The following CASK variants were observed in gnomAD, a reference collection of about 807,000 sequenced individuals.
The protein encoded by CASK is peripheral plasma membrane protein CASK.
Under a neutral mutation model 82.9 loss-of-function variants are expected in CASK, and 4 were observed. The ratio of observed to expected loss-of-function variants is 0.05; its 90% confidence interval spans 0.02 to 0.11. The LOEUF is 0.11. Ranked by LOEUF, CASK falls within the 10% of genes least tolerant of loss-of-function variation. The probability of loss-of-function intolerance (pLI) is 1.00; values close to 1 mark genes in which losing one functional copy is unlikely to be tolerated. For missense variants in CASK, 358 were observed against 720.9 expected, an observed-to-expected ratio of 0.50 and a Z score of 5.76; for synonymous variants, 259 against 253.5, an observed-to-expected ratio of 1.02 and a Z score of -0.20.
intron 1 of CASK, among the ~76,000 whole-genome samples, chrX:41,872,078 G>GT (rs2071716732): frequency 1.8e-5 from 2 of 112,740 alleles, no homozygotes; most frequent in African/African-American, 6.5e-5. Context: ...TTTTATTGGA[G>GT]TAGAGCCACA....
chrX:41,623,252 T>G (rs747037525), intron 10 of CASK, among the ~76,000 whole-genome samples: 6 of 111,943 alleles, frequency 5.4e-5, no homozygotes, highest in African/African-American at 1.9e-4. Context: ...AAATGCATAA[T>G]GTATGAATTT....
At chrX:41,733,431 A>C (rs966741356) in intron 5 of CASK, among the ~76,000 whole-genome samples, 1 of 111,734 alleles carries the variant, frequency 8.9e-6, no homozygotes, top group Non-Finnish European at 1.9e-5. Context: ...GAAATGCAGA[A>C]GATTAACCAA....
chrX:41,770,397 G>T (rs1219945334), intron 3 of CASK, among the ~76,000 whole-genome samples: 2 of 109,007 alleles, frequency 1.8e-5, no homozygotes, highest in Non-Finnish European at 3.8e-5. Context: ...TGTTACCCAG[G>T]CTGGCTGGCT....
Position 41,777,885 on chromosome X carries a change from A to T in CASK, c.278+9293T>A, listed in dbSNP as rs73472530. ...ACTTTCAGAAATGTATTCTGAGGAA[A>T]CAAAGCAATCAAGGGGCGTGAACAA... On this transcript the variant is annotated intron_variant, in intron 3 of 26. Coordinates refer to ENST00000378163, the MANE Select transcript of CASK (RefSeq NM_001367721.1). 2.7e-5 allele frequency among the ~76,000 whole-genome samples: 3 copies of T among 111,598 alleles called. No homozygotes were observed. The Admixed American group carries it at 2.9e-4, about 11-fold the overall frequency.
chrX:41,545,032 T>A (rs2147117651), intron 21 of CASK, among the ~76,000 whole-genome samples: 1 of 111,559 alleles, frequency 9.0e-6, no homozygotes, highest in African/African-American at 3.2e-5. Flanking sequence ...CTGCTGTTTT[T>A]TTTTTGTTTT....
At chrX:41,637,981 C>A (rs956300374) in intron 8 of CASK, among the ~76,000 whole-genome samples, 3 of 111,313 alleles carry the variant, frequency 2.7e-5, no homozygotes, top group Non-Finnish European at 5.7e-5. Flanking sequence ...TTACTCTTCT[C>A]CCCACTTTGG....
At chrX:41,853,361 G>T in intron 1 of CASK, 134 bp from the exon 2 acceptor site, 1 of 374,050 alleles carries the variant, frequency 2.7e-6, no homozygotes, top group Non-Finnish European at 4.6e-6. Context: ...ATTGAACACA[G>T]TTTTCAAAAT....
intron 5 of CASK, among the ~76,000 whole-genome samples, chrX:41,714,987 G>A (rs1306486715): frequency 1.8e-5 from 2 of 112,090 alleles, no homozygotes; most frequent in Non-Finnish European, 3.8e-5. Flanking sequence ...ACTGAGACTT[G>A]GACAGGGCCC....
intron 2 of CASK, among the ~76,000 whole-genome samples, chrX:41,801,392 C>T (rs1045678037): frequency 2.7e-5 from 3 of 111,751 alleles, no homozygotes; most frequent in Admixed American, 9.5e-5. Context: ...TTTCCTCCAA[C>T]GGGGTCAGAC....
intron 12 of CASK, among the ~76,000 whole-genome samples, chrX:41,595,289 T>C (rs1367232450): frequency 8.9e-6 from 1 of 112,386 alleles, no homozygotes; most frequent in African/African-American, 3.2e-5. Context: ...ACTTACTTTA[T>C]ACAACTTTCA....
chrX:41,544,488 C>A (rs751447574), intron 21 of CASK, among the ~76,000 whole-genome samples: 17 of 104,608 alleles, frequency 1.6e-4, no homozygotes, highest in Non-Finnish European at 3.3e-4. Context: ...ATTACTTGAG[C>A]CTGAGAGGTG....
intron 5 of CASK, among the ~76,000 whole-genome samples, chrX:41,701,486 G>A (rs976347243): frequency 4.5e-5 from 5 of 111,983 alleles, no homozygotes; most frequent in African/African-American, 6.5e-5. Context: ...ATTTTTAATC[G>A]GAAGAAAAGA....
chrX:41,685,347 A>G (rs895883738), intron 5 of CASK, among the ~76,000 whole-genome samples: 2 of 112,502 alleles, frequency 1.8e-5, no homozygotes, highest in Non-Finnish European at 3.8e-5. Context: ...AACTATTTTT[A>G]TCAGTTTTCA....
At chrX:41,539,747 A>C (rs1329909893) in intron 22 of CASK, among the ~76,000 whole-genome samples, 1 of 112,393 alleles carries the variant, frequency 8.9e-6, no homozygotes, top group Non-Finnish European at 1.9e-5. Context: ...TGTAAAGCAA[A>C]GGTAATACTA....
At chrX:41,832,719 G>A (rs143500425) in intron 2 of CASK, among the ~76,000 whole-genome samples, 1,283 of 112,333 alleles carry the variant, frequency 0.011, 3 homozygotes, top group Non-Finnish European at 0.015. Context: ...CTTATCACAT[G>A]TGTATTTCAG....
intron 2 of CASK, among the ~76,000 whole-genome samples, chrX:41,834,575 T>C (rs1313602409): frequency 9.0e-6 from 1 of 111,060 alleles, no homozygotes; most frequent in Non-Finnish European, 1.9e-5. Flanking sequence ...CCAAGTTCTT[T>C]CTAGTCTTGT....
intron 1 of CASK, among the ~76,000 whole-genome samples, chrX:41,908,239 G>C (rs549947647): frequency 5.3e-5 from 6 of 112,202 alleles, no homozygotes; most frequent in African/African-American, 1.9e-4. Flanking sequence ...AAATTAGCCA[G>C]GCGTGGTGGC....
chrX:41,524,193 CTT>C (rs749360575), intron 25 of CASK, 159 bp from the exon 26 acceptor site: 6 of 449,454 alleles, frequency 1.3e-5, no homozygotes, highest in African/African-American at 7.4e-5. Flanking sequence ...TTATACATAA[CTT>C]ATATTACTTT....
intron 1 of CASK, among the ~76,000 whole-genome samples, chrX:41,871,839 T>C (rs762456859): frequency 1.8e-5 from 2 of 112,463 alleles, no homozygotes; most frequent in East Asian, 2.8e-4. Context: ...ACAATGACCA[T>C]ATGTACAAGT....
Sources: allele counts gnomAD v4.1 joint callset (sites outside exome capture counted in the v4.1 genomes callset), GRCh38; gene constraint gnomAD v4.1.1; transcripts MANE v1.5; gene names NCBI Gene and HGNC (gene_info 2026-07-23, HGNC 2026-07-21).